Variants in PRKCE observed in about 807,000 individuals in gnomAD.
PRKCE encodes protein kinase C epsilon.
PRKCE carries 16 observed loss-of-function variants against 85.4 expected under a neutral mutation model. The observed-to-expected ratio is 0.19, with a 90% CI of 0.13 to 0.28. PRKCE has a LOEUF of 0.28. PRKCE is among the 10% of genes least tolerant of loss of function. The pLI, the probability that PRKCE is intolerant of heterozygous loss-of-function variation, is 1.00. For synonymous variants in PRKCE, 388 were observed against 371.5 expected, an observed-to-expected ratio of 1.04 and a Z score of -0.51; for missense variants, 573 against 975.2, an observed-to-expected ratio of 0.59 and a Z score of 5.49.
intron 2 of PRKCE, among the ~76,000 whole-genome samples, chr2:45,936,309 C>T (rs1699450289): frequency 6.6e-6 from 1 of 152,216 alleles, no homozygotes; most frequent in African/African-American, 2.4e-5. Context: ...CCCTGCTCTC[C>T]TGAGTAATAG....
intron 2 of PRKCE, among the ~76,000 whole-genome samples, chr2:45,903,040 A>C (rs1457330810): frequency 1.3e-5 from 2 of 152,234 alleles, no homozygotes; most frequent in Non-Finnish European, 2.9e-5. Flanking sequence ...AATATAGTTT[A>C]GTTCCAAATA....
At chr2:45,860,695 C>T (rs942978116) in intron 2 of PRKCE, among the ~76,000 whole-genome samples, 5 of 152,126 alleles carry the variant, frequency 3.3e-5, no homozygotes, top group African/African-American at 7.2e-5. Context: ...AGATGTTCAC[C>T]GCTGAAGTCT....
chr2:45,772,178 C>G (rs1018904462), intron 1 of PRKCE, among the ~76,000 whole-genome samples: 3 of 151,692 alleles, frequency 2.0e-5, no homozygotes, highest in Non-Finnish European at 4.4e-5. Context: ...TGTGTTTCTT[C>G]TTCATAAAGC....
chr2:45,744,423 TTCTTTCTTTCTTTCTTTC>T (rs1573166656), intron 1 of PRKCE, among the ~76,000 whole-genome samples: 1 of 21,522 alleles, frequency 4.6e-5, no homozygotes, highest in East Asian at 3.0e-3. Context: ...TTTTCTTTCT[TTCTTTCTTTCTTTCTTTC>T]TTTCTTTCTT....
intron 11 of PRKCE, among the ~76,000 whole-genome samples, chr2:46,131,958 A>T (rs1448819139): frequency 6.6e-6 from 1 of 152,158 alleles, no homozygotes; most frequent in Non-Finnish European, 1.5e-5. Flanking sequence ...TTCTCAAAAG[A>T]TACAACCAAT....
chr2:45,792,324 C>G (rs952674750), intron 1 of PRKCE, among the ~76,000 whole-genome samples: 1 of 152,194 alleles, frequency 6.6e-6, no homozygotes, highest in Non-Finnish European at 1.5e-5. Context: ...ATAACCCAGA[C>G]ACCTCTCATG....
At chr2:46,025,289 A>G (rs770488900) in intron 10 of PRKCE, among the ~76,000 whole-genome samples, 1 of 152,158 alleles carries the variant, frequency 6.6e-6, no homozygotes, top group Admixed American at 6.5e-5. Flanking sequence ...CAGGGAACGT[A>G]AGACATCTGG....
chr2:45,875,817 A>G (rs1308311859), intron 2 of PRKCE, among the ~76,000 whole-genome samples: 3 of 152,238 alleles, frequency 2.0e-5, no homozygotes, highest in Non-Finnish European at 4.4e-5. Context: ...TAAACTCATC[A>G]CAGACGTTTT....
chr2:45,674,731 T>C (rs1676340421), intron 1 of PRKCE: 1 of 152,110 alleles, frequency 6.6e-6, no homozygotes, highest in Non-Finnish European at 1.5e-5. Flanking sequence ...GAAAGTCAAA[T>C]GGAAAAGAGA....
intron 1 of PRKCE, among the ~76,000 whole-genome samples, chr2:45,842,054 T>C (rs1573570639): frequency 8.1e-6 from 1 of 123,282 alleles, no homozygotes; most frequent in Non-Finnish European, 1.7e-5. Context: ...TGATCCAGGG[T>C]TTCCAGAGTT....
intron 1 of PRKCE, among the ~76,000 whole-genome samples, chr2:45,695,831 T>C (rs1678098163): frequency 6.6e-6 from 1 of 152,202 alleles, no homozygotes; most frequent in South Asian, 2.1e-4. Flanking sequence ...CAAGGTCTCA[T>C]GGGGAAGAGG....
chr2:45,944,655 ATTTTTTTTTTTTT>A (rs71394861), intron 2 of PRKCE, among the ~76,000 whole-genome samples: 5 of 75,628 alleles, frequency 6.6e-5, no homozygotes, highest in African/African-American at 1.8e-4. Context: ...TACCCGGCTA[ATTTTTTTTTTTTT>A]TTTTTTTTTT....
intron 1 of PRKCE, among the ~76,000 whole-genome samples, chr2:45,744,758 A>C (rs1456728859): frequency 6.6e-6 from 1 of 151,504 alleles, no homozygotes; most frequent in Non-Finnish European, 1.5e-5. Context: ...ACAGGTGTGC[A>C]CCACCATGCC....
At chr2:45,829,528 T>C (rs1000662206) in intron 1 of PRKCE, among the ~76,000 whole-genome samples, 6 of 152,172 alleles carry the variant, frequency 3.9e-5, no homozygotes, top group African/African-American at 1.4e-4. Context: ...TCAGAGAATT[T>C]CTGGGAGATG....
At chr2:45,865,557 G>A (rs759859425) in intron 2 of PRKCE, among the ~76,000 whole-genome samples, 8 of 152,288 alleles carry the variant, frequency 5.3e-5, no homozygotes, top group South Asian at 4.1e-4. Context: ...AGTATTAAGC[G>A]CTGGGGTTTT....
intron 2 of PRKCE, among the ~76,000 whole-genome samples, chr2:45,918,035 C>A (rs541225112): frequency 1.3e-5 from 2 of 152,246 alleles, no homozygotes; most frequent in African/African-American, 4.8e-5. Context: ...CGCGCAGCCC[C>A]GGTTCCCGCT....
chr2:45,943,850 G>A (rs1416393257), intron 2 of PRKCE, among the ~76,000 whole-genome samples: 1 of 152,198 alleles, frequency 6.6e-6, no homozygotes, highest in African/African-American at 2.4e-5. Flanking sequence ...AGGTGAATTT[G>A]GAGTGACCGC....
chr2:46,120,182 A>T (rs942778259), intron 11 of PRKCE, among the ~76,000 whole-genome samples: 1 of 152,214 alleles, frequency 6.6e-6, no homozygotes, highest in Non-Finnish European at 1.5e-5. Flanking sequence ...TCAGACACTC[A>T]TCAACCATAG....
At chr2:45,955,372 A>G (rs567388833) in intron 2 of PRKCE, among the ~76,000 whole-genome samples, 39 of 152,298 alleles carry the variant, frequency 2.6e-4, no homozygotes, top group African/African-American at 9.1e-4. Context: ...TTGGTGTGAT[A>G]AAAACATGGG....
Sources: gnomAD v4.1 joint callset for allele counts (sites outside exome capture counted in the v4.1 genomes callset) on GRCh38, gnomAD v4.1.1 for gene constraint, MANE v1.5 for transcripts, NCBI Gene and HGNC (gene_info 2026-07-23, HGNC 2026-07-21) for gene names.